The following STX11 variants were observed in gnomAD, a reference collection of about 807,000 sequenced individuals.
The protein encoded by STX11 is syntaxin 11, also known as syntaxin-11.
A neutral mutation model predicts 19.9 loss-of-function variants in STX11; 21 were observed. The observed-to-expected ratio is 1.06, with a 90% CI of 0.75 to 1.52. The LOEUF (loss-of-function observed/expected upper bound fraction) is 1.52. Ranked by LOEUF, STX11 falls within the 40% of genes most tolerant of loss-of-function variation. The pLI, the probability that STX11 is intolerant of heterozygous loss-of-function variation, is 0.00. For synonymous variants in STX11, 193 were observed against 174.4 expected, an observed-to-expected ratio of 1.11 and a Z score of -0.84; for missense variants, 438 against 405.9, an observed-to-expected ratio of 1.08 and a Z score of -0.68.
intron 1 of STX11, among the ~76,000 whole-genome samples, chr6:144,157,719 G>A (rs1416097937): frequency 6.6e-6 from 1 of 152,086 alleles, no homozygotes; most frequent in African/African-American, 2.4e-5. Flanking sequence ...CTAAACTCTG[G>A]CACCCAGAGT....
In STX11 at chr6:144,188,256, A is replaced by G. The variant is rs1658185436; in HGVS notation, c.*765A>G. 4.3e-6 allele frequency: 1 copy of G among 233,474 alleles called. No individual in the cohort carries two copies. Among genetic ancestry groups the G allele is most frequent in the Admixed American group, 5.8e-5 (1 of 17,316 alleles). The allele number at this position is 233,474 out of a possible 1,614,324, so 14.5% of individuals were successfully genotyped here. A position where few individuals can be genotyped will look rare whatever the true frequency, so the allele number is the denominator to read the frequency against. ...AACATTTATATTTTTACTTGATTAC[A>G]TATGCACATGTATGTAAATGTAAAA... On this transcript the variant is annotated 3_prime_UTR_variant, in exon 2 of 2. Transcript: ENST00000367568.
rs1802117303 is a variant in STX11, at chr6:144,188,268, A to G, written c.*777A>G. 4.3e-6 allele frequency: 1 copy of G among 232,348 alleles called. No individual in the cohort carries two copies. The highest frequency in any genetic ancestry group is 5.8e-5 in the Admixed American group (1 of 17,282). 14.4% of individuals were successfully genotyped at this position (232,348 alleles called of 1,614,324 possible). A position where few individuals can be genotyped will look rare whatever the true frequency, so the allele number is the denominator to read the frequency against. ...TTTACTTGATTACATATGCACATGTATGTAAATGTAAAATACTAATATTCA... is the reference window on the plus strand; with the variant it reads ...TTTACTTGATTACATATGCACATGTGTGTAAATGTAAAATACTAATATTCA... On this transcript the variant is annotated 3_prime_UTR_variant, in exon 2 of 2. Transcript: ENST00000367568.
intron 1 of STX11, among the ~76,000 whole-genome samples, chr6:144,178,880 A>G (rs901779094): frequency 6.6e-6 from 1 of 151,974 alleles, no homozygotes; most frequent in Admixed American, 6.6e-5. Flanking sequence ...CAAGAAAATT[A>G]GAGCTATTCA....
the STX11 span, among the ~76,000 whole-genome samples, chr6:144,142,244 T>C: frequency 8.1e-3 from 1,232 of 152,186 alleles, 15 homozygotes; most frequent in African/African-American, 0.026. Context: ...GTATTGGTTA[T>C]CTTTAATATT....
chr6:144,150,111 CG>C (rs1800955139), upstream of STX11, among the ~76,000 whole-genome samples: 1 of 152,176 alleles, frequency 6.6e-6, no homozygotes, highest in Admixed American at 6.5e-5. Flanking sequence ...CAGGACCTGC[CG>C]CAGCTTCCGC....
At chr6:144,144,522 C>T in the STX11 span, among the ~76,000 whole-genome samples, 1 of 152,130 alleles carries the variant, frequency 6.6e-6, no homozygotes, top group Non-Finnish European at 1.5e-5. Context: ...CTAGAAAGTG[C>T]TGTCCAATAT....
upstream of STX11, among the ~76,000 whole-genome samples, chr6:144,150,335 C>A (rs1055536644): frequency 2.0e-5 from 3 of 152,198 alleles, no homozygotes; most frequent in Non-Finnish European, 2.9e-5. Context: ...CCTGGGCTTG[C>A]GGGAGGGGCT....
chr6:144,142,354 G>C, the STX11 span, among the ~76,000 whole-genome samples: 3 of 152,020 alleles, frequency 2.0e-5, no homozygotes, highest in African/African-American at 7.2e-5. Flanking sequence ...GTGTTGTCTT[G>C]TATGTGAGTA....
chr6:144,148,880 C>G (rs1490146323), upstream of STX11, among the ~76,000 whole-genome samples: 1 of 152,184 alleles, frequency 6.6e-6, no homozygotes, highest in Admixed American at 6.5e-5. Context: ...CAGGCGTGAG[C>G]CACGTCTGGA....
chr6:144,156,002 C>CTT (rs1467608505), intron 1 of STX11, among the ~76,000 whole-genome samples: 6 of 127,384 alleles, frequency 4.7e-5, no homozygotes, highest in African/African-American at 2.4e-4. Flanking sequence ...TTCTTTCTTT[C>CTT]TTTCTTTCTT....
upstream of STX11, among the ~76,000 whole-genome samples, chr6:144,146,333 TGGAA>T (rs2128744561): frequency 6.6e-6 from 1 of 152,278 alleles, no homozygotes; most frequent in South Asian, 2.1e-4. The surrounding 1 kb of genome is among the most constrained non-coding windows in gnomAD (Gnocchi z 4.4). Context: ...AACTCCAGAC[TGGAA>T]GGGAGAGCCA....
intron 1 of STX11, among the ~76,000 whole-genome samples, chr6:144,171,810 CAT>C (rs1375831432): frequency 6.6e-5 from 10 of 151,888 alleles, no homozygotes; most frequent in East Asian, 1.9e-4. Context: ...TGTTAAGAAA[CAT>C]GTGCTTTTAA....
chr6:144,155,942 CTT>C lies in STX11; in HGVS notation c.-6+5241_-6+5242del. Among the ~76,000 whole-genome samples, 1 of 3,264 alleles carries C rather than the reference CTT, an allele frequency of 3.1e-4. No homozygotes were observed. The highest frequency in any genetic ancestry group is 7.2e-4 in the Non-Finnish European group (1 of 1,388). The allele number at this position is 3,264 out of a possible 152,430, so 2.1% of individuals were successfully genotyped here. A position where few individuals can be genotyped will look rare whatever the true frequency, so the allele number is the denominator to read the frequency against. ...AATTAAATGTGTTTTAAAATTTAAT[CTT>C]TCTTTCTTTCTTTCTTTCTTTCTTT... On this transcript the variant is annotated intron_variant, in intron 1 of 1. Coordinates refer to ENST00000367568, the MANE Select transcript of STX11 (RefSeq NM_003764.4). This position sits in a 1 kb window ranked among gnomAD's most constrained non-coding sequence, Gnocchi z 4.5.
At chr6:144,171,670 G>A (rs1219426689) in intron 1 of STX11, among the ~76,000 whole-genome samples, 2 of 152,014 alleles carry the variant, frequency 1.3e-5, no homozygotes, top group Non-Finnish European at 2.9e-5. Context: ...CTTTTGCAGA[G>A]TCTTTGTGTG....
rs189223997 is a variant in STX11 at position 144,169,439 on chromosome 6, G to A, written c.-5-17184G>A. 2.4e-4 allele frequency among the ~76,000 whole-genome samples: 37 copies of A among 152,174 alleles called. No individual in the cohort carries two copies. The East Asian group carries it at 5.6e-3, about 23-fold the overall frequency. ...ATGCTGTGTCTTTTCTAAAATTTCC[G>A]TAACCAGCCTTTTGATTATTTACAG... On this transcript the variant is annotated intron_variant, in intron 1 of 1. Coordinates refer to ENST00000367568, the MANE Select transcript of STX11 (RefSeq NM_003764.4). The surrounding 1 kb of genome is among the most constrained non-coding windows in gnomAD (Gnocchi z 5.2).
chr6:144,179,271 C>T (rs182020997), intron 1 of STX11, among the ~76,000 whole-genome samples: 7 of 152,294 alleles, frequency 4.6e-5, no homozygotes, highest in Non-Finnish European at 4.4e-5. Context: ...CCGGATCCCT[C>T]GCACAACGTG....
upstream of STX11, among the ~76,000 whole-genome samples, chr6:144,146,512 A>G (rs1384074715): frequency 6.6e-6 from 1 of 152,164 alleles, no homozygotes; most frequent in Non-Finnish European, 1.5e-5. The surrounding 1 kb of genome is among the most constrained non-coding windows in gnomAD (Gnocchi z 4.4). Context: ...GGGTTTCTCC[A>G]TGTTGGTCAG....
the STX11 span, among the ~76,000 whole-genome samples, chr6:144,143,200 T>G: frequency 2.0e-5 from 3 of 152,240 alleles, no homozygotes; most frequent in Non-Finnish European, 2.9e-5. Flanking sequence ...GCATACAGTC[T>G]GGTTTCTCCA....
intron 1 of STX11, among the ~76,000 whole-genome samples, chr6:144,186,394 C>A (rs968838437): frequency 1.3e-5 from 2 of 151,992 alleles, no homozygotes; most frequent in Non-Finnish European, 2.9e-5. Context: ...TGATATTGAA[C>A]TGCAGGTGCC....
Sources: gnomAD v4.1 joint callset for allele counts (sites outside exome capture counted in the v4.1 genomes callset) on GRCh38, gnomAD v4.1.1 for gene constraint, Gnocchi (gnomAD v3.1) non-coding constraint, MANE v1.5 for transcripts, NCBI Gene and HGNC (gene_info 2026-07-23, HGNC 2026-07-21) for gene names.